PTGFRN: variants seen among roughly 807,000 people sequenced by gnomAD.
PTGFRN encodes the protein prostaglandin F2 receptor negative regulator.
A neutral mutation model predicts 83.2 loss-of-function variants in PTGFRN; 35 were observed. That is an observed-to-expected ratio of 0.42 (90% CI 0.32 to 0.56). The LOEUF is 0.56. Among genes scored for constraint, PTGFRN ranks in the 20% least tolerant of loss-of-function variants. The pLI is 0.11. For missense variants in PTGFRN, 1,051 were observed against 1,179.5 expected, an observed-to-expected ratio of 0.89 and a Z score of 1.60; for synonymous variants, 519 against 498.6, an observed-to-expected ratio of 1.04 and a Z score of -0.55.
chr1:116,985,641 G>A (rs1464003717), intron 8 of PTGFRN, among the ~76,000 whole-genome samples: 2 of 151,874 alleles, frequency 1.3e-5, no homozygotes, highest in African/African-American at 4.8e-5. Flanking sequence ...CCAGGAGGTG[G>A]AGGTTGCAGT....
intron 1 of PTGFRN, among the ~76,000 whole-genome samples, chr1:116,924,942 C>T (rs948209440): frequency 9.2e-5 from 14 of 152,094 alleles, no homozygotes; most frequent in African/African-American, 2.9e-4. Flanking sequence ...TCCAGGTGAT[C>T]GTGGTGGCAA....
intron 1 of PTGFRN, among the ~76,000 whole-genome samples, chr1:116,916,667 G>A (rs1361686638): frequency 6.6e-6 from 1 of 152,182 alleles, no homozygotes. Context: ...ATTTGACGAA[G>A]GATGGCAGTT....
chr1:116,961,627 A>G lies in PTGFRN; in HGVS notation c.1598A>G (p.Asp533Gly). ...AACAACAGCTGGGTGAAAAGCAAGG[A>G]TGTCTTCTCCAAGCCTGTTAACATA... The part of the protein sequence containing the change: ...QRNNSWVKSK[D>G]VFSKPVNIFW... Residue 533 changes from aspartate to glycine, a missense_variant, in exon 5 of 9, where the codon GAT (aspartate) becomes GGT (glycine). This residue lies in a region of PTGFRN where 719 missense variants were observed against 836.6 expected (regional missense o/e 0.86). Transcript: ENST00000393203. This position sits in a 1 kb window ranked among gnomAD's most constrained non-coding sequence, Gnocchi z 5.4. The G allele has an allele frequency of 6.2e-7, 1 of 1,613,888 alleles. No homozygotes were observed. Among genetic ancestry groups the G allele is most frequent in the Non-Finnish European group, 8.5e-7 (1 of 1,179,842 alleles).
intron 6 of PTGFRN, among the ~76,000 whole-genome samples, chr1:116,972,457 G>A (rs1206742135): frequency 1.3e-5 from 2 of 152,180 alleles, no homozygotes; most frequent in Admixed American, 6.5e-5. Context: ...GGTTAGGAAA[G>A]CAATCTGATG....
Position 116,949,487 on chromosome 1 carries a change from C to G in PTGFRN, c.1128C>G (p.Ser376=). 6.2e-7 allele frequency: 1 copy of G among 1,614,216 alleles called. No individual in the cohort carries two copies. Among genetic ancestry groups the G allele is most frequent in the Non-Finnish European group, 8.5e-7 (1 of 1,180,048 alleles). ...CTGGCTACTATTACTGCCACGTGTC[C>G]CTGTGGGCACCCGGACACAACAGGA... The part of the protein sequence containing the change: ...ENSGYYYCHV[S]LWAPGHNRSW... Residue 376 remains serine, a synonymous_variant, in exon 4 of 9, where the codon TCC becomes TCG. Coordinates refer to ENST00000393203, the MANE Select transcript of PTGFRN (RefSeq NM_020440.4).
At chr1:116,977,669 C>A (rs897688985) in intron 7 of PTGFRN, among the ~76,000 whole-genome samples, 12 of 152,134 alleles carry the variant, frequency 7.9e-5, no homozygotes, top group Non-Finnish European at 1.5e-4. Context: ...TTCTTTGAAA[C>A]CAATGAGAAC....
In PTGFRN at chr1:116,923,731, G is replaced by T. The variant is rs1557958390; in HGVS notation, c.49+13479G>T. On this transcript the variant is annotated intron_variant, in intron 1 of 8. Transcript: ENST00000393203. The surrounding 1 kb of genome is among the most constrained non-coding windows in gnomAD (Gnocchi z 4.0). ...CATGGATCATCTGCTTGTCATCACT[G>T]TTCTAGGGAGCAGCCCACACTGAGC... Among the ~76,000 whole-genome samples, 2 of 152,114 alleles carry T rather than the reference G, an allele frequency of 1.3e-5. No individual in the cohort carries two copies. The highest frequency in any genetic ancestry group is 4.8e-5 in the African/African-American group (2 of 41,420).
At chr1:116,924,597 GTCACTTCCCAAGGTGCTGAGAACTGGT>G (rs1227563203) in intron 1 of PTGFRN, among the ~76,000 whole-genome samples, 2 of 152,194 alleles carry the variant, frequency 1.3e-5, no homozygotes, top group Non-Finnish European at 2.9e-5. Context: ...CTGAGATTGT[GTCACTTCCCAAGGTGCTGAGAACTGGT>G]CCCTTGATTG....
At chr1:116,972,003 C>T (rs1242170613) in intron 6 of PTGFRN, among the ~76,000 whole-genome samples, 1 of 152,174 alleles carries the variant, frequency 6.6e-6, no homozygotes, top group African/African-American at 2.4e-5. Flanking sequence ...TGTGACCCCC[C>T]TGCCCGCCCT....
chr1:116,941,590 C>T lies in PTGFRN; in HGVS notation c.50-125C>T. Reference sequence around the variant, plus strand: ...TTAACCTTCTGCATAGATACATTTTCCCTAGTAGTTTGGCTGTCACGTTTC... The same window carrying T: ...TTAACCTTCTGCATAGATACATTTTTCCTAGTAGTTTGGCTGTCACGTTTC... On this transcript the variant is annotated intron_variant, in intron 1 of 8. Transcript: ENST00000393203. This position sits in a 1 kb window ranked among gnomAD's most constrained non-coding sequence, Gnocchi z 5.0. 7.7e-7 allele frequency: 1 copy of T among 1,295,066 alleles called. No individual in the cohort carries two copies. The highest frequency in any genetic ancestry group is 1.4e-5 in the South Asian group (1 of 69,818). 80.2% of individuals were successfully genotyped at this position (1,295,066 alleles called of 1,614,324 possible).
chr1:116,974,180 A>G, intron 6 of PTGFRN, 36 bp from the exon 7 acceptor site: 1 of 1,466,984 alleles, frequency 6.8e-7, no homozygotes, highest in Non-Finnish European at 9.5e-7. Flanking sequence ...AAAAGCATGA[A>G]AGAGAATAAT....
At chr1:116,986,236 A>G (rs1358190804) in intron 8 of PTGFRN, among the ~76,000 whole-genome samples, 2 of 152,226 alleles carry the variant, frequency 1.3e-5, no homozygotes, top group East Asian at 3.8e-4. Flanking sequence ...TGGAGTCTAA[A>G]TGGTGTTTGT....
At chr1:116,938,872 A>G (rs1649985899) in intron 1 of PTGFRN, among the ~76,000 whole-genome samples, 2 of 152,358 alleles carry the variant, frequency 1.3e-5, no homozygotes, top group Middle Eastern at 6.8e-3. Context: ...CAGCTATTCC[A>G]AATGGGAGAA....
At chr1:116,964,366 T>A (rs886616706) in intron 5 of PTGFRN, among the ~76,000 whole-genome samples, 1 of 152,196 alleles carries the variant, frequency 6.6e-6, no homozygotes, top group Non-Finnish European at 1.5e-5. Flanking sequence ...TCCCTCCTCC[T>A]GGGAATGCTT....
At chr1:116,919,547 C>T (rs1216698642) in intron 1 of PTGFRN, among the ~76,000 whole-genome samples, 3 of 152,178 alleles carry the variant, frequency 2.0e-5, no homozygotes, top group South Asian at 2.1e-4. Context: ...AGCTAATGCA[C>T]TTTCCATAGA....
intron 1 of PTGFRN, among the ~76,000 whole-genome samples, chr1:116,917,907 G>A (rs961715648): frequency 6.6e-5 from 10 of 152,058 alleles, no homozygotes; most frequent in African/African-American, 1.2e-4. Flanking sequence ...CACTGCGCCC[G>A]GCCTGTATGT....
chr1:116,924,909 A>G (rs1403567462), intron 1 of PTGFRN, among the ~76,000 whole-genome samples: 1 of 152,126 alleles, frequency 6.6e-6, no homozygotes, highest in African/African-American at 2.4e-5. Flanking sequence ...AGAGTCTCAC[A>G]GGGAGGCTGA....
Position 116,914,393 on chromosome 1 carries a change from G to C in PTGFRN, c.49+4141G>C, listed in dbSNP as rs145018939. Among the ~76,000 whole-genome samples, 790 of 152,298 alleles carry C rather than the reference G, an allele frequency of 5.2e-3. 7 individuals are homozygous for C. The highest frequency in any genetic ancestry group is 0.018 in the African/African-American group (760 of 41,554). ...ATGTGCCAGCTACTATGGAAGAAGG[G>C]AAAGACAGATTTTGAGGGAACAGCT... On this transcript the variant is annotated intron_variant, in intron 1 of 8. Transcript: ENST00000393203.
Position 116,944,763 on chromosome 1 carries a change from G to T in PTGFRN, c.503G>T (p.Arg168Leu). Residue 168 changes from arginine to leucine, a missense_variant, in exon 3 of 9, where the codon CGC (arginine) becomes CTC (leucine). Transcript: ENST00000393203. ...SLREGEPFEL[R>L]CTAASASPLH... ...CGGGAGGGGGAGCCCTTCGAGCTGCGCTGCACCGCCGCCTCCGCCTCGCCG... is the reference window on the plus strand; with the variant it reads ...CGGGAGGGGGAGCCCTTCGAGCTGCTCTGCACCGCCGCCTCCGCCTCGCCG... 6.4e-7 allele frequency: 1 copy of T among 1,552,126 alleles called. No homozygotes were observed. The highest frequency in any genetic ancestry group is 8.7e-7 in the Non-Finnish European group (1 of 1,153,248).
Sources: allele counts gnomAD v4.1 joint callset (sites outside exome capture counted in the v4.1 genomes callset), GRCh38; gene constraint gnomAD v4.1.1; regional missense constraint gnomAD v4.1.1; non-coding constraint Gnocchi (gnomAD v3.1); transcripts MANE v1.5; gene names NCBI Gene and HGNC (gene_info 2026-07-23, HGNC 2026-07-21).